Variants in DACH1 observed in about 807,000 individuals in gnomAD.
The protein encoded by DACH1 is dachshund homolog 1.
A neutral mutation model predicts 54.2 loss-of-function variants in DACH1; 12 were observed. The observed-to-expected ratio is 0.22, with a 90% CI of 0.14 to 0.36. The LOEUF (loss-of-function observed/expected upper bound fraction) is 0.36. Ranked by LOEUF, DACH1 falls within the 10% of genes least tolerant of loss-of-function variation. DACH1 has a pLI of 1.00. For missense variants in DACH1, 805 were observed against 929.8 expected (o/e 0.87, Z 1.75); for synonymous variants, 386 against 366.2 (o/e 1.05, Z -0.62).
chr13:71,836,516 G>A (rs1298636352), intron 1 of DACH1, among the ~76,000 whole-genome samples: 2 of 151,984 alleles, frequency 1.3e-5, no homozygotes, highest in East Asian at 3.9e-4. Context: ...TTGTCCCTTA[G>A]AATTGCAGGA....
chr13:71,439,471 A>T lies in DACH1; in HGVS notation c.*1184T>A, dbSNP rs1873816625. 6.6e-6 allele frequency: 1 copy of T among 152,612 alleles called. No homozygotes were observed. The highest frequency in any genetic ancestry group is 6.5e-5 in the Admixed American group (1 of 15,268). The allele number at this position is 152,612 out of a possible 1,614,324, so 9.5% of individuals were successfully genotyped here. On this transcript the variant is annotated 3_prime_UTR_variant, in exon 11 of 11. Transcript: ENST00000613252. ...CAGCGCTACATGGTATTGGACTGGT[A>T]CATCAAGGTTTGTTAGGTTTTGTTT...
intron 6 of DACH1, among the ~76,000 whole-genome samples, chr13:71,521,763 A>G (rs991177174): frequency 6.6e-6 from 1 of 152,110 alleles, no homozygotes; most frequent in African/African-American, 2.4e-5. Context: ...CCTCTACACC[A>G]TACTTAAGCT....
intron 3 of DACH1, among the ~76,000 whole-genome samples, chr13:71,589,437 C>G (rs146097767): frequency 6.6e-6 from 1 of 151,898 alleles, no homozygotes; most frequent in Admixed American, 6.6e-5. Flanking sequence ...TTCTTTTCAG[C>G]TTTTGGTAGC....
chr13:71,542,360 T>A (rs889298008), intron 6 of DACH1, among the ~76,000 whole-genome samples: 3 of 152,134 alleles, frequency 2.0e-5, no homozygotes, highest in African/African-American at 7.2e-5. Flanking sequence ...GTGGTTCAGA[T>A]AAACTTATTA....
chr13:71,858,627 CCTAT>C (rs1555330068), intron 1 of DACH1, among the ~76,000 whole-genome samples: 1 of 151,558 alleles, frequency 6.6e-6, no homozygotes, highest in Non-Finnish European at 1.5e-5. Context: ...ACATTTTCTT[CCTAT>C]CTAACTGAAA....
chr13:71,541,115 C>T (rs990867640), intron 6 of DACH1, among the ~76,000 whole-genome samples: 1 of 151,740 alleles, frequency 6.6e-6, no homozygotes, highest in Non-Finnish European at 1.5e-5. Flanking sequence ...GTAATAAGTG[C>T]AAATTATGAT....
Position 71,773,973 on chromosome 13 carries a change from T to C in DACH1, c.848+91949A>G, listed in dbSNP as rs1009505643. Among the ~76,000 whole-genome samples the C allele has an allele frequency of 1.2e-3, 158 of 133,942 alleles. 1 individual carries two copies. Among genetic ancestry groups the C allele is most frequent in the African/African-American group, 4.3e-3 (149 of 34,424 alleles). The allele number at this position is 133,942 out of a possible 152,430, so 87.9% of individuals were successfully genotyped here. The stretch of plus-strand genomic sequence containing the variant: ...CACAGGCCAGTCACTCTATTGCCTG[T>C]TTAAAAAAAAAAAAAAAGGAACAAT... On this transcript the variant is annotated intron_variant, in intron 1 of 10. Transcript: ENST00000613252.
chr13:71,486,021 A>G (rs1878473168), intron 7 of DACH1, among the ~76,000 whole-genome samples: 1 of 152,042 alleles, frequency 6.6e-6, no homozygotes, highest in East Asian at 1.9e-4. Flanking sequence ...CAAAATTTTC[A>G]CATATAATTA....
chr13:71,479,580 T>C (rs1258383324), intron 7 of DACH1, among the ~76,000 whole-genome samples: 2 of 152,176 alleles, frequency 1.3e-5, no homozygotes, highest in Admixed American at 6.6e-5. Flanking sequence ...TAAGTAGATA[T>C]TCTAATTAGA....
chr13:71,475,354 C>T, intron 9 of DACH1, 145 bp from the exon 10 acceptor site: 1 of 739,514 alleles, frequency 1.4e-6, no homozygotes, highest in Non-Finnish European at 2.2e-6. Context: ...AAAACTGTAA[C>T]CGTAAGAATT....
intron 1 of DACH1, among the ~76,000 whole-genome samples, chr13:71,819,922 A>G (rs964934845): frequency 6.6e-6 from 1 of 151,992 alleles, no homozygotes; most frequent in Non-Finnish European, 1.5e-5. Flanking sequence ...TGTGGATGAC[A>G]TTAGCTAGAA....
rs374818301 is a variant in DACH1 at position 71,462,871 on chromosome 13, TACACACACACAC to T, written c.2083+12258_2083+12269del. Among the ~76,000 whole-genome samples the T allele has an allele frequency of 8.9e-3, 914 of 102,880 alleles. 7 individuals carry two copies. The highest frequency in any genetic ancestry group is 0.026 in the African/African-American group (866 of 33,410). 67.5% of individuals were successfully genotyped at this position (102,880 alleles called of 152,430 possible). A position where few individuals can be genotyped will look rare whatever the true frequency, so the allele number is the denominator to read the frequency against. On this transcript the variant is annotated intron_variant, in intron 10 of 10. Coordinates refer to ENST00000613252, the MANE Select transcript of DACH1 (RefSeq NM_080759.6). Reference sequence around the variant, plus strand: ...ATTCCAGGTCTAGAATCTATCTATCTACACACACACACACACACACACACACACACACACACA... The same window carrying T: ...ATTCCAGGTCTAGAATCTATCTATCTACACACACACACACACACACACACA...
At chr13:71,535,538 T>G (rs1217681554) in intron 6 of DACH1, among the ~76,000 whole-genome samples, 23 of 151,974 alleles carry the variant, frequency 1.5e-4, no homozygotes, top group Admixed American at 1.5e-3. Flanking sequence ...ACAAATATGG[T>G]AAATTCCTTC....
intron 4 of DACH1, among the ~76,000 whole-genome samples, chr13:71,566,098 T>C (rs1439094639): frequency 2.0e-5 from 3 of 152,112 alleles, no homozygotes; most frequent in African/African-American, 7.2e-5. Context: ...CTGGCATCAA[T>C]CTCTCCTGCA....
chr13:71,509,779 G>C (rs1054982729), intron 6 of DACH1, among the ~76,000 whole-genome samples: 3 of 151,928 alleles, frequency 2.0e-5, no homozygotes, highest in African/African-American at 7.3e-5. Context: ...CATATAGCCA[G>C]GCTATATTAT....
chr13:71,805,213 T>G (rs1887446948), intron 1 of DACH1, among the ~76,000 whole-genome samples: 1 of 152,128 alleles, frequency 6.6e-6, no homozygotes, highest in Non-Finnish European at 1.5e-5. Flanking sequence ...TTGTATACAA[T>G]TATCATCAAA....
chr13:71,655,378 T>C (rs912039761), intron 2 of DACH1, among the ~76,000 whole-genome samples: 9 of 151,924 alleles, frequency 5.9e-5, no homozygotes, highest in Non-Finnish European at 1.3e-4. Flanking sequence ...TTTAATTTTT[T>C]TTTTTTTTTG....
At chr13:71,708,062 C>T (rs1038530696) in intron 1 of DACH1, among the ~76,000 whole-genome samples, 1 of 150,810 alleles carries the variant, frequency 6.6e-6, no homozygotes, top group African/African-American at 2.4e-5. Flanking sequence ...AAATAAAGCA[C>T]TTAAGTTTTA....
At chr13:71,809,881 G>T in intron 1 of DACH1, among the ~76,000 whole-genome samples, 1 of 152,120 alleles carries the variant, frequency 6.6e-6, no homozygotes, top group Non-Finnish European at 1.5e-5. Flanking sequence ...CACTTTTTGA[G>T]TGTTAATTCC....
Sources: gnomAD v4.1 joint callset for allele counts (sites outside exome capture counted in the v4.1 genomes callset) on GRCh38, gnomAD v4.1.1 for gene constraint, MANE v1.5 for transcripts, NCBI Gene and HGNC (gene_info 2026-07-23, HGNC 2026-07-21) for gene names.